Variants in DLGAP1 observed in about 807,000 individuals in gnomAD.
The protein encoded by DLGAP1 is disks large-associated protein 1.
In DLGAP1, 11 loss-of-function variants were observed where a neutral mutation model predicts 90.8. The ratio of observed to expected loss-of-function variants is 0.12; its 90% confidence interval spans 0.08 to 0.20. The LOEUF (loss-of-function observed/expected upper bound fraction) is 0.20, where lower values mean the gene tolerates loss of function less well. Ranked by LOEUF, DLGAP1 falls within the 10% of genes least tolerant of loss-of-function variation. DLGAP1 has a pLI of 1.00. For missense variants in DLGAP1, 1,050 were observed against 1,333.8 expected (o/e 0.79, Z 3.31); for synonymous variants, 558 against 540.7 (o/e 1.03, Z -0.44).
chr18:3,579,409 C>T (rs1287539346), intron 8 of DLGAP1, among the ~76,000 whole-genome samples: 1 of 152,196 alleles, frequency 6.6e-6, no homozygotes, highest in African/African-American at 2.4e-5. Context: ...GGAGTTTCTC[C>T]ATGTTGGTCA....
At chr18:4,444,465 A>C (rs1046635075) in intron 1 of DLGAP1, among the ~76,000 whole-genome samples, 18 of 152,168 alleles carry the variant, frequency 1.2e-4, no homozygotes, top group Non-Finnish European at 1.0e-4. Flanking sequence ...GCCTCTACTC[A>C]TTATAGGAAC....
intron 7 of DLGAP1, among the ~76,000 whole-genome samples, chr18:3,723,465 G>C (rs771650642): frequency 1.3e-5 from 2 of 152,166 alleles, no homozygotes; most frequent in Non-Finnish European, 2.9e-5. Flanking sequence ...TTTTTCTGCA[G>C]CTTTTCCTTT....
At chr18:3,706,842 G>A (rs562114156) in intron 7 of DLGAP1, among the ~76,000 whole-genome samples, 50 of 152,176 alleles carry the variant, frequency 3.3e-4, no homozygotes, top group African/African-American at 1.0e-3. Context: ...AAACTAATAC[G>A]TCCTGGTAGA....
At chr18:4,164,167 A>G (rs4797150) in intron 1 of DLGAP1, among the ~76,000 whole-genome samples, 72,328 of 151,942 alleles carry the variant, frequency 0.48, 18,707 homozygotes, top group East Asian at 0.7. Context: ...GTGAGTCCTC[A>G]CTAAAATCAA....
chr18:4,400,250 T>C (rs1290176041), intron 1 of DLGAP1, among the ~76,000 whole-genome samples: 2 of 152,216 alleles, frequency 1.3e-5, no homozygotes, highest in Non-Finnish European at 2.9e-5. Flanking sequence ...ACAAAGATTC[T>C]GACAAGATGT....
At chr18:3,621,186 T>C (rs2086060721) in intron 7 of DLGAP1, among the ~76,000 whole-genome samples, 1 of 152,186 alleles carries the variant, frequency 6.6e-6, no homozygotes, top group South Asian at 2.1e-4. Context: ...ATAGCTATGA[T>C]TATTATACCT....
chr18:3,761,545 G>A (rs1345898684), intron 5 of DLGAP1, among the ~76,000 whole-genome samples: 1 of 151,606 alleles, frequency 6.6e-6, no homozygotes, highest in South Asian at 2.1e-4. Flanking sequence ...ATGAGTACGA[G>A]TGTATCTGTT....
At chr18:3,898,844 T>C (rs1300582221) in intron 3 of DLGAP1, among the ~76,000 whole-genome samples, 1 of 152,194 alleles carries the variant, frequency 6.6e-6, no homozygotes. Flanking sequence ...ATGGAAGCCA[T>C]ATATATTCCA....
At position 4,288,746 on chromosome 18, in the gene DLGAP1, C is replaced by A. The variant is rs1008959166; in HGVS notation, c.-266-137459G>T. Among the ~76,000 whole-genome samples the A allele has an allele frequency of 2.0e-5, 3 of 152,064 alleles. No individual in the cohort carries two copies. In the South Asian group the frequency reaches 6.2e-4, roughly 32 times the overall value. ...ACTAGAAGACAGCTTAAAATCAATC[C>A]GCTTGCTGCTCGGCTCATCATCTGC... On this transcript the variant is annotated intron_variant, in intron 1 of 12. Coordinates refer to ENST00000315677, the MANE Select transcript of DLGAP1 (RefSeq NM_004746.4).
At chr18:3,821,989 A>G (rs927689957) in intron 4 of DLGAP1, 2 of 983,822 alleles carry the variant, frequency 2.0e-6, no homozygotes, top group Non-Finnish European at 2.4e-6. Flanking sequence ...ATGTCCCTTT[A>G]GCCTTTTTAG....
intron 9 of DLGAP1, among the ~76,000 whole-genome samples, chr18:3,560,580 A>G (rs1239055976): frequency 2.2e-5 from 3 of 135,688 alleles, no homozygotes; most frequent in Non-Finnish European, 4.5e-5. Context: ...ACAGAGCAAG[A>G]CTCAGTCTCA....
intron 2 of DLGAP1, among the ~76,000 whole-genome samples, chr18:4,008,749 A>G (rs973105903): frequency 1.3e-5 from 2 of 152,196 alleles, no homozygotes; most frequent in African/African-American, 4.8e-5. Flanking sequence ...TTCAGTGCTC[A>G]ATATGTTGCT....
At chr18:4,216,029 G>A (rs779664925) in intron 1 of DLGAP1, among the ~76,000 whole-genome samples, 8 of 152,042 alleles carry the variant, frequency 5.3e-5, no homozygotes, top group Non-Finnish European at 1.0e-4. Context: ...CCATTCTCAC[G>A]CTGCTAATAA....
chr18:3,932,353 G>A (rs920151233), intron 3 of DLGAP1, among the ~76,000 whole-genome samples: 10 of 152,192 alleles, frequency 6.6e-5, no homozygotes, highest in African/African-American at 1.9e-4. Context: ...CTAGACAGCC[G>A]GCCAATAACA....
At chr18:3,808,287 G>C (rs553381832) in intron 5 of DLGAP1, among the ~76,000 whole-genome samples, 66 of 152,010 alleles carry the variant, frequency 4.3e-4, no homozygotes, top group South Asian at 1.9e-3. Flanking sequence ...TAGAAGTATA[G>C]AGGATAATAG....
chr18:4,383,587 T>TAA lies in DLGAP1; in HGVS notation c.-267+71417_-267+71418dup, dbSNP rs200063681. Among the ~76,000 whole-genome samples the TAA allele has an allele frequency of 2.7e-5, 4 of 149,776 alleles. No individual in the cohort carries two copies. The highest frequency in any genetic ancestry group is 9.8e-5 in the African/African-American group (4 of 40,924). ...GACAAAACCGAGTATCCTTGCTCAT[T>TAA]AAAAAAAAAGGGATGTTTACCTATG... On this transcript the variant is annotated intron_variant, in intron 1 of 12. Transcript: ENST00000315677. This position sits in a 1 kb window ranked among gnomAD's most constrained non-coding sequence, Gnocchi z 4.0.
chr18:3,997,403 C>T (rs1265088115), intron 3 of DLGAP1, among the ~76,000 whole-genome samples: 1 of 49,566 alleles, frequency 2.0e-5, no homozygotes, highest in Non-Finnish European at 3.9e-5. Context: ...TTGGGTCGCT[C>T]CCCCTCACCC....
intron 9 of DLGAP1, among the ~76,000 whole-genome samples, chr18:3,542,214 A>C (rs2052732003): frequency 6.6e-6 from 1 of 152,220 alleles, no homozygotes; most frequent in African/African-American, 2.4e-5. Context: ...GCAAATCATC[A>C]AAATACGCAT....
chr18:3,625,136 C>T (rs966943305), intron 7 of DLGAP1, among the ~76,000 whole-genome samples: 1 of 152,220 alleles, frequency 6.6e-6, no homozygotes, highest in African/African-American at 2.4e-5. Context: ...CCCGAGCAGG[C>T]TTCACAGCCC....
Sources: allele counts gnomAD v4.1 joint callset (sites outside exome capture counted in the v4.1 genomes callset), GRCh38; gene constraint gnomAD v4.1.1; non-coding constraint Gnocchi (gnomAD v3.1); transcripts MANE v1.5; gene names NCBI Gene and HGNC (gene_info 2026-07-23, HGNC 2026-07-21).